The following MYO16 variants were observed in gnomAD, a reference collection of about 807,000 sequenced individuals.
The protein encoded by MYO16 is myosin XVI.
MYO16 carries 94 observed loss-of-function variants against 205.3 expected under a neutral mutation model. That is an observed-to-expected ratio of 0.46 (90% confidence interval 0.39 to 0.54). The LOEUF is 0.54. Ranked by LOEUF, MYO16 falls within the 20% of genes least tolerant of loss-of-function variation. The probability of loss-of-function intolerance (pLI) is 0.00; values close to 1 mark genes in which losing one functional copy is unlikely to be tolerated. For missense variants in MYO16, 2,315 were observed against 2,387.5 expected, an observed-to-expected ratio of 0.97 and a Z score of 0.63; for synonymous variants, 988 against 954.0, an observed-to-expected ratio of 1.04 and a Z score of -0.66.
intron 24 of MYO16, among the ~76,000 whole-genome samples, chr13:109,051,982 A>C (rs1379591532): frequency 6.6e-5 from 10 of 152,130 alleles, no homozygotes; most frequent in Non-Finnish European, 1.5e-5. Flanking sequence ...TGACAAGTGC[A>C]CAAAAGCCCC....
intron 2 of MYO16, among the ~76,000 whole-genome samples, chr13:108,681,899 C>A (rs1882478954): frequency 6.6e-6 from 1 of 152,194 alleles, no homozygotes; most frequent in Admixed American, 6.5e-5. Flanking sequence ...CTTTCCATTT[C>A]TCTATGTTAT....
At chr13:109,071,244 C>A (rs1479699100) in intron 27 of MYO16, among the ~76,000 whole-genome samples, 1 of 151,988 alleles carries the variant, frequency 6.6e-6, no homozygotes, top group East Asian at 1.9e-4. Flanking sequence ...GCATTTATGA[C>A]AAAACATCTA....
intron 2 of MYO16, among the ~76,000 whole-genome samples, chr13:108,688,621 G>A (rs1328030572): frequency 1.3e-5 from 2 of 152,094 alleles, no homozygotes; most frequent in Non-Finnish European, 2.9e-5. Context: ...ATAAATAGAT[G>A]TTATTTTCAG....
chr13:109,143,194 A>G (rs1877182270), intron 32 of MYO16, among the ~76,000 whole-genome samples: 1 of 152,182 alleles, frequency 6.6e-6, no homozygotes, highest in Non-Finnish European at 1.5e-5. Flanking sequence ...ATGTGTAAGC[A>G]TTCATCATTT....
At chr13:108,739,375 T>A (rs925204282) in intron 4 of MYO16, among the ~76,000 whole-genome samples, 1 of 152,182 alleles carries the variant, frequency 6.6e-6, no homozygotes, top group African/African-American at 2.4e-5. Context: ...GTAAAGGATT[T>A]TATTTCTCCT....
chr13:108,585,923 T>C, the MYO16 span, among the ~76,000 whole-genome samples: 1 of 149,072 alleles, frequency 6.7e-6, no homozygotes, highest in Non-Finnish European at 1.5e-5. Flanking sequence ...AAATAACTCG[T>C]TTGCTATTTA....
intron 21 of MYO16, among the ~76,000 whole-genome samples, chr13:108,997,359 A>G (rs1175065319): frequency 0.23 from 1,084 of 4,786 alleles, 41 homozygotes; most frequent in East Asian, 0.35. Flanking sequence ...AGAGAGAGAG[A>G]GAGAGAGAGA....
the MYO16 span, among the ~76,000 whole-genome samples, chr13:108,523,805 C>T: frequency 4.6e-5 from 7 of 152,216 alleles, no homozygotes; most frequent in Non-Finnish European, 1.0e-4. Flanking sequence ...GTGTGCATGA[C>T]ATTTCAAGTG....
chr13:108,976,740 T>C (rs894983867), intron 20 of MYO16, among the ~76,000 whole-genome samples: 22 of 152,326 alleles, frequency 1.4e-4, no homozygotes, highest in African/African-American at 3.4e-4. Context: ...AAAAATACGC[T>C]TATCCCGACT....
chr13:109,045,509 C>T (rs966855014), intron 23 of MYO16, among the ~76,000 whole-genome samples: 1 of 152,188 alleles, frequency 6.6e-6, no homozygotes, highest in Non-Finnish European at 1.5e-5. Context: ...TAATGGTTTA[C>T]TTGTACCTGA....
intron 5 of MYO16, among the ~76,000 whole-genome samples, chr13:108,786,484 T>G (rs1002112649): frequency 3.3e-5 from 5 of 152,152 alleles, no homozygotes; most frequent in Non-Finnish European, 5.9e-5. Context: ...CCCTTCAAAA[T>G]GACCCTTGGC....
chr13:108,857,002 C>T (rs1235984733), intron 11 of MYO16, among the ~76,000 whole-genome samples: 1 of 152,148 alleles, frequency 6.6e-6, no homozygotes, highest in Non-Finnish European at 1.5e-5. Flanking sequence ...TCATGATATG[C>T]CCTGAACAGT....
intron 3 of MYO16, among the ~76,000 whole-genome samples, chr13:108,720,615 G>A (rs66866216): frequency 0.19 from 28,246 of 152,030 alleles, 2,807 homozygotes; most frequent in Middle Eastern, 0.31. Context: ...GTAGAACTGT[G>A]CCTGGCACAT....
At chr13:108,521,125 C>T in the MYO16 span, among the ~76,000 whole-genome samples, 1 of 152,280 alleles carries the variant, frequency 6.6e-6, no homozygotes, top group South Asian at 2.1e-4. Context: ...ATGAAAGCAG[C>T]ACAAGCTATA....
At chr13:108,572,610 C>A in the MYO16 span, among the ~76,000 whole-genome samples, 1 of 152,090 alleles carries the variant, frequency 6.6e-6, no homozygotes, top group Non-Finnish European at 1.5e-5. Context: ...ATAACTGTTG[C>A]CTTGCTTTAG....
chr13:108,917,988 C>G (rs887598533), intron 16 of MYO16, among the ~76,000 whole-genome samples: 1 of 152,196 alleles, frequency 6.6e-6, no homozygotes, highest in African/African-American at 2.4e-5. Context: ...ACTGCGGTTG[C>G]TTTGTTAACT....
At chr13:108,625,379 G>A (rs1038758758), upstream of MYO16, among the ~76,000 whole-genome samples, 1 of 152,172 alleles carries the variant, frequency 6.6e-6, no homozygotes, top group Admixed American at 6.5e-5. Context: ...CTGGTCCTGA[G>A]GCACCAGGGG....
At chr13:108,834,452 C>A (rs1750714623) in intron 9 of MYO16, among the ~76,000 whole-genome samples, 1 of 152,070 alleles carries the variant, frequency 6.6e-6, no homozygotes, top group Admixed American at 6.6e-5. Flanking sequence ...AAAAAAATTG[C>A]AGTTCAGTTT....
intron 21 of MYO16, among the ~76,000 whole-genome samples, chr13:109,007,349 C>T (rs1206837515): frequency 6.6e-6 from 1 of 151,078 alleles, no homozygotes; most frequent in Non-Finnish European, 1.5e-5. Context: ...GATGGCGCCA[C>T]TGCACTCCAG....
Sources: gnomAD v4.1 joint callset for allele counts (sites outside exome capture counted in the v4.1 genomes callset) on GRCh38, gnomAD v4.1.1 for gene constraint, MANE v1.5 for transcripts, NCBI Gene and HGNC (gene_info 2026-07-23, HGNC 2026-07-21) for gene names.